The following TSPAN7 variants were observed in gnomAD, a reference collection of about 807,000 sequenced individuals.
The protein encoded by TSPAN7 is tetraspanin-7.
TSPAN7 carries 1 observed loss-of-function variant against 17.6 expected under a neutral mutation model. The observed-to-expected ratio is 0.06, with a 90% CI of 0.02 to 0.27. The LOEUF is 0.27. Ranked by LOEUF, TSPAN7 falls within the 10% of genes least tolerant of loss-of-function variation. The pLI, the probability that TSPAN7 is intolerant of heterozygous loss-of-function variation, is 1.00. For synonymous variants in TSPAN7, 78 were observed against 79.0 expected, an observed-to-expected ratio of 0.99 and a Z score of 0.07; for missense variants, 112 against 201.7, an observed-to-expected ratio of 0.56 and a Z score of 2.69.
At chrX:38,655,757 C>CT (rs1276718886) in intron 1 of TSPAN7, among the ~76,000 whole-genome samples, 1 of 111,736 alleles carries the variant, frequency 8.9e-6, no homozygotes, top group Non-Finnish European at 1.9e-5. Flanking sequence ...AATTCAGTGA[C>CT]TTTTTTGCCA....
At chrX:38,595,129 G>A (rs1282769469) in intron 1 of TSPAN7, among the ~76,000 whole-genome samples, 2 of 111,390 alleles carry the variant, frequency 1.8e-5, no homozygotes, top group African/African-American at 6.5e-5. Flanking sequence ...TCTTAGTGCA[G>A]ATTCCTAAAA....
intron 2 of TSPAN7, among the ~76,000 whole-genome samples, chrX:38,669,664 T>C (rs765017880): frequency 1.8e-5 from 2 of 112,221 alleles, no homozygotes; most frequent in Non-Finnish European, 3.8e-5. Context: ...GTCACTTGAT[T>C]AACTGTCAGT....
chrX:38,589,743 TTTGA>T (rs1229130308), intron 1 of TSPAN7, among the ~76,000 whole-genome samples: 2 of 112,415 alleles, frequency 1.8e-5, no homozygotes, highest in Non-Finnish European at 3.8e-5. Context: ...GTTAGTGGTA[TTTGA>T]TTGTTTCATT....
At chrX:38,563,213 A>C in intron 1 of TSPAN7, 3 of 794,295 alleles carry the variant, frequency 3.8e-6, no homozygotes, top group Non-Finnish European at 4.8e-6. Context: ...ATATTGCACA[A>C]GGCAAACACA....
At chrX:38,683,358 T>G (rs2069904468) in intron 6 of TSPAN7, among the ~76,000 whole-genome samples, 1 of 113,025 alleles carries the variant, frequency 8.8e-6, no homozygotes, top group South Asian at 3.6e-4. Flanking sequence ...CTCTCTGTGC[T>G]ACCTTAAAGA....
intron 1 of TSPAN7, among the ~76,000 whole-genome samples, chrX:38,569,550 T>A (rs2069159317): frequency 9.0e-6 from 1 of 110,835 alleles, no homozygotes; most frequent in Non-Finnish European, 1.9e-5. Context: ...GGAACCTACT[T>A]ATTTTAGCTC....
At chrX:38,601,317 G>A (rs764411829) in intron 1 of TSPAN7, among the ~76,000 whole-genome samples, 1 of 111,603 alleles carries the variant, frequency 9.0e-6, no homozygotes, top group South Asian at 3.8e-4. Context: ...AGTCAAGGGA[G>A]TAATTTCTAA....
chrX:38,571,749 A>G (rs2147395444), intron 1 of TSPAN7, among the ~76,000 whole-genome samples: 1 of 111,124 alleles, frequency 9.0e-6, no homozygotes, highest in African/African-American at 3.3e-5. Flanking sequence ...GAGTTAAAAA[A>G]AAAAAATCCC....
intron 1 of TSPAN7, among the ~76,000 whole-genome samples, chrX:38,601,486 A>G (rs2069346673): frequency 8.9e-6 from 1 of 111,992 alleles, no homozygotes; most frequent in South Asian, 3.7e-4. Context: ...ATATAAATGC[A>G]ATCAGTAATT....
At chrX:38,643,793 C>T (rs868596365) in intron 1 of TSPAN7, among the ~76,000 whole-genome samples, 1 of 110,826 alleles carries the variant, frequency 9.0e-6, no homozygotes, top group East Asian at 2.8e-4. Flanking sequence ...TGCAGTGAGC[C>T]GAGATCGCGC....
chrX:38,671,334 T>A, intron 2 of TSPAN7, 42 bp from the exon 3 acceptor site: 1 of 1,182,564 alleles, frequency 8.5e-7, no homozygotes, highest in Non-Finnish European at 1.2e-6. Context: ...CTCTTCTTAA[T>A]CCTGATGTAT....
intron 1 of TSPAN7, among the ~76,000 whole-genome samples, chrX:38,576,979 C>T (rs1203345984): frequency 9.0e-6 from 1 of 111,091 alleles, no homozygotes; most frequent in African/African-American, 3.3e-5. Context: ...ATAGGAAAAG[C>T]AAGAAGTGGT....
At chrX:38,664,422 T>C (rs1403180671) in intron 1 of TSPAN7, among the ~76,000 whole-genome samples, 1 of 111,708 alleles carries the variant, frequency 9.0e-6, no homozygotes, top group Non-Finnish European at 1.9e-5. Flanking sequence ...AGGCATTTTA[T>C]GTTTCCGTGT....
At chrX:38,609,828 T>A (rs1027394813) in intron 1 of TSPAN7, among the ~76,000 whole-genome samples, 10 of 110,260 alleles carry the variant, frequency 9.1e-5, no homozygotes, top group Non-Finnish European at 1.3e-4. Flanking sequence ...AGTGCTCAGA[T>A]TTCACACCAG....
At chrX:38,658,961 A>C (rs747593845) in intron 1 of TSPAN7, among the ~76,000 whole-genome samples, 10 of 109,115 alleles carry the variant, frequency 9.2e-5, no homozygotes, top group Non-Finnish European at 1.7e-4. Context: ...TTTTAATGAT[A>C]CCACCAACCT....
chrX:38,602,274 A>G (rs5963518), intron 1 of TSPAN7, among the ~76,000 whole-genome samples: 23,400 of 111,128 alleles, frequency 0.21, 2,234 homozygotes, highest in Middle Eastern at 0.31. Flanking sequence ...GATTGTTATG[A>G]TAAGTGTTTT....
intron 1 of TSPAN7, among the ~76,000 whole-genome samples, chrX:38,655,286 T>C (rs183652721): frequency 1.1e-4 from 12 of 111,206 alleles, no homozygotes; most frequent in African/African-American, 3.9e-4. Context: ...CTCTTTGTGC[T>C]TTTCCAAAAT....
chrX:38,584,164 AGGAT>A lies in TSPAN7; in HGVS notation c.81+22540_81+22543del, dbSNP rs761830280. Among the ~76,000 whole-genome samples the A allele has an allele frequency of 8.2e-5, 9 of 109,146 alleles. No individual in the cohort carries two copies. The East Asian group carries it at 2.6e-3, about 31-fold the overall frequency. 94.8% of individuals were successfully genotyped at this position (109,146 alleles called of 115,157 possible). A position where few individuals can be genotyped will look rare whatever the true frequency, so the allele number is the denominator to read the frequency against. ...GAGACGGGGTTTCACCGTGTTAGCC[AGGAT>A]GGTCTCGATTTCCTGACCTCATGAT... On this transcript the variant is annotated intron_variant, in intron 1 of 7. Coordinates refer to ENST00000378482, the MANE Select transcript of TSPAN7 (RefSeq NM_004615.4).
At chrX:38,686,866 T>G (rs371411850) in intron 6 of TSPAN7, among the ~76,000 whole-genome samples, 52 of 111,935 alleles carry the variant, frequency 4.6e-4, no homozygotes, top group Middle Eastern at 4.6e-3. Flanking sequence ...TAGAATCTTC[T>G]GAGGAGGTGG....
Sources: gnomAD v4.1 joint callset for allele counts (sites outside exome capture counted in the v4.1 genomes callset) on GRCh38, gnomAD v4.1.1 for gene constraint, MANE v1.5 for transcripts, NCBI Gene and HGNC (gene_info 2026-07-23, HGNC 2026-07-21) for gene names.